The following HACL2 variants were observed in gnomAD, a reference collection of about 807,000 sequenced individuals.
HACL2 encodes 2-hydroxyacyl-CoA lyase 2, also known as 2-hydroxyacyl-CoA lyase 1 like.
the HACL2 span, chr19:15,117,864 G>A: frequency 1.9e-6 from 3 of 1,613,818 alleles, no homozygotes; most frequent in Admixed American, 5.0e-5. Context: ...TGTGTACGGG[G>A]GGATTAAGGG....
the HACL2 span, chr19:15,116,440 C>CA: frequency 6.2e-6 from 10 of 1,613,908 alleles, no homozygotes; most frequent in African/African-American, 1.3e-5. Flanking sequence ...GGTCGGCTTC[C>CA]CGCAGCTCCT....
At chr19:15,123,599 C>A in the HACL2 span, 1 of 1,600,778 alleles carries the variant, frequency 6.2e-7, no homozygotes, top group East Asian at 2.2e-5. This position sits in a 1 kb window ranked among gnomAD's most constrained non-coding sequence, Gnocchi z 5.1. Context: ...ACAGGTGGAG[C>A]AATAAAGTTA....
the HACL2 span, chr19:15,115,336 C>T: frequency 2.5e-6 from 4 of 1,614,154 alleles, no homozygotes; most frequent in Non-Finnish European, 3.4e-6. Context: ...GGCACTGCTG[C>T]TGGGCATCGT....
the HACL2 span, chr19:15,123,288 T>C: frequency 1.2e-5 from 20 of 1,607,946 alleles, no homozygotes; most frequent in Non-Finnish European, 1.6e-5. The surrounding 1 kb of genome is among the most constrained non-coding windows in gnomAD (Gnocchi z 5.1). Flanking sequence ...CTCTTGGCCA[T>C]TCTTCCACCT....
the HACL2 span, chr19:15,119,125 G>T: frequency 6.6e-7 from 1 of 1,520,166 alleles, no homozygotes; most frequent in Non-Finnish European, 8.8e-7. Flanking sequence ...GGGTGAGGGG[G>T]TTCCTGGGGG....
At chr19:15,118,769 A>G in the HACL2 span, among the ~76,000 whole-genome samples, 7 of 152,028 alleles carry the variant, frequency 4.6e-5, no homozygotes, top group African/African-American at 1.7e-4. Flanking sequence ...GAACTCTATG[A>G]CCCCAGCTGA....
the HACL2 span, chr19:15,125,338 CA>C: frequency 2.1e-6 from 1 of 482,450 alleles, no homozygotes; most frequent in Non-Finnish European, 3.7e-6. Context: ...CACCACAAGT[CA>C]AGGTGGCGAC....
At chr19:15,115,209 T>G in the HACL2 span, 3 of 1,611,290 alleles carry the variant, frequency 1.9e-6, no homozygotes, top group South Asian at 3.3e-5. Context: ...CTGGACACAG[T>G]CCAGGGGCAG....
At chr19:15,116,508 A>C in the HACL2 span, 1 of 1,613,492 alleles carries the variant, frequency 6.2e-7, no homozygotes, top group South Asian at 1.1e-5. Context: ...TTCAGCACGA[A>C]GGAACCCACA....
At chr19:15,123,003 G>C in the HACL2 span, 1 of 1,603,550 alleles carries the variant, frequency 6.2e-7, no homozygotes, top group East Asian at 2.2e-5. The surrounding 1 kb of genome is among the most constrained non-coding windows in gnomAD (Gnocchi z 5.1). Flanking sequence ...AGGGACAGCT[G>C]ATCAACAGCC....
chr19:15,120,755 A>T, the HACL2 span, among the ~76,000 whole-genome samples: 1 of 152,198 alleles, frequency 6.6e-6, no homozygotes, highest in Non-Finnish European at 1.5e-5. Context: ...ACCGTTAAGG[A>T]CAGGCCAAGA....
At chr19:15,119,510 C>G in the HACL2 span, 1 of 1,613,676 alleles carries the variant, frequency 6.2e-7, no homozygotes. Flanking sequence ...CCACACAGCG[C>G]TGAACCTGGA....
chr19:15,115,624 A>T, the HACL2 span: 1 of 1,613,840 alleles, frequency 6.2e-7, no homozygotes, highest in Admixed American at 1.7e-5. Context: ...GCTCCCGAGA[A>T]ATCTGTGTCC....
the HACL2 span, chr19:15,116,130 C>T: frequency 6.2e-7 from 1 of 1,613,282 alleles, no homozygotes; most frequent in Non-Finnish European, 8.5e-7. Flanking sequence ...GCCCACTGCC[C>T]CAGGCGGGGG....
the HACL2 span, among the ~76,000 whole-genome samples, chr19:15,121,475 G>A: frequency 1.1e-4 from 17 of 152,054 alleles, no homozygotes; most frequent in African/African-American, 4.1e-4. Context: ...AGGGAGAGAA[G>A]GAGGAAGAAG....
chr19:15,118,037 C>T, the HACL2 span: 50 of 1,613,496 alleles, frequency 3.1e-5, no homozygotes, highest in African/African-American at 6.0e-4. Context: ...GACAGGAATG[C>T]AGTAGGCAGA....
the HACL2 span, among the ~76,000 whole-genome samples, chr19:15,118,327 C>G: frequency 1.1e-4 from 17 of 152,180 alleles, no homozygotes; most frequent in Non-Finnish European, 2.2e-4. Context: ...GCCTAGGTCC[C>G]CTTTCCTTGA....
chr19:15,122,643 A>C, the HACL2 span: 6 of 1,486,790 alleles, frequency 4.0e-6, no homozygotes, highest in East Asian at 1.4e-4. The surrounding 1 kb of genome is among the most constrained non-coding windows in gnomAD (Gnocchi z 4.0). Flanking sequence ...TGGAAGCTGC[A>C]GGAGAGAACG....
chr19:15,124,941 T>C, the HACL2 span: 20 of 1,607,604 alleles, frequency 1.2e-5, no homozygotes, highest in African/African-American at 1.5e-4. Context: ...CAGCAGCTGA[T>C]AGAAGAGCCC....
Sources: allele counts gnomAD v4.1 joint callset (sites outside exome capture counted in the v4.1 genomes callset), GRCh38; gene constraint gnomAD v4.1.1; non-coding constraint Gnocchi (gnomAD v3.1); transcripts MANE v1.5; gene names NCBI Gene and HGNC (gene_info 2026-07-23, HGNC 2026-07-21).